The following FAM91A1 variants were observed in gnomAD, a reference collection of about 807,000 sequenced individuals.
FAM91A1 encodes the protein family with sequence similarity 91 member A1.
A neutral mutation model predicts 113.5 loss-of-function variants in FAM91A1; 41 were observed. That is an observed-to-expected ratio of 0.36 (90% CI 0.28 to 0.47). FAM91A1 has a LOEUF of 0.47. FAM91A1 is among the 20% of genes least tolerant of loss of function. FAM91A1 has a pLI of 1.00. For synonymous variants in FAM91A1, 307 were observed against 347.9 expected (o/e 0.88, Z 1.31); for missense variants, 696 against 1,001.2 (o/e 0.70, Z 4.11).
In FAM91A1 at chr8:123,799,739, A is replaced by G. The variant is rs73337427; in HGVS notation, c.1696-33A>G. 1.4e-4 allele frequency: 225 copies of G among 1,604,746 alleles called. No individual in the cohort carries two copies. In the African/African-American group the frequency reaches 2.8e-3, roughly 20 times the overall value. On this transcript the variant is annotated intron_variant, in intron 17 of 23. Coordinates refer to ENST00000334705, the MANE Select transcript of FAM91A1 (RefSeq NM_144963.4). Reference sequence around the variant, plus strand: ...TTCTTAATATTTTCCTTATTTCTGAATGCCATTTTACCTGTTAATTTCTTT... The same window carrying G: ...TTCTTAATATTTTCCTTATTTCTGAGTGCCATTTTACCTGTTAATTTCTTT...
intron 1 of FAM91A1, 91 bp from the exon 2 acceptor site, chr8:123,773,989 G>A: frequency 2.2e-6 from 2 of 893,236 alleles, no homozygotes; most frequent in South Asian, 1.7e-5. Flanking sequence ...GGATAAAAAT[G>A]GGGGTCGTGG....
chr8:123,804,350 G>C (rs1815753486), intron 18 of FAM91A1, among the ~76,000 whole-genome samples: 1 of 151,814 alleles, frequency 6.6e-6, no homozygotes, highest in African/African-American at 2.4e-5. Context: ...AGTTAGCCGG[G>C]TGTGGTGGCG....
chr8:123,808,872 AGTT>A lies in FAM91A1; in HGVS notation c.2138-20_2138-18del. ...AGTAGATATATATGATAAAAAAATA[AGTT>A]TATGTATCCTTTCTTAGGTGCCACA... On this transcript the variant is annotated intron_variant, in intron 21 of 23. Transcript: ENST00000334705. 6.3e-7 allele frequency: 1 copy of A among 1,593,914 alleles called. No homozygotes were observed. The highest frequency in any genetic ancestry group is 8.5e-7 in the Non-Finnish European group (1 of 1,170,986).
At chr8:123,810,381 CT>C in intron 23 of FAM91A1, 30 bp downstream of exon 23, 1 of 1,594,238 alleles carries the variant, frequency 6.3e-7, no homozygotes, top group Non-Finnish European at 8.6e-7. Context: ...CCAAATGGTA[CT>C]TGTACTGAGC....
At position 123,772,775 on chromosome 8, in the gene FAM91A1, C is replaced by T. The variant is rs11989114; in HGVS notation, c.73-1305C>T. Among the ~76,000 whole-genome samples the T allele has an allele frequency of 8.0e-3, 1,217 of 152,164 alleles. 8 individuals are homozygous for T. The highest frequency in any genetic ancestry group is 0.014 in the African/African-American group (583 of 41,494). ...GCCTATAACTGTTGACTGGAAGCCTCGGCCATAACACAGTTGATGAACACA... is the reference window on the plus strand; with the variant it reads ...GCCTATAACTGTTGACTGGAAGCCTTGGCCATAACACAGTTGATGAACACA... On this transcript the variant is annotated intron_variant, in intron 1 of 23. Transcript: ENST00000334705.
intron 1 of FAM91A1, 86 bp from the exon 2 acceptor site, chr8:123,773,994 T>C: frequency 1.1e-6 from 1 of 946,570 alleles, no homozygotes; most frequent in Non-Finnish European, 1.6e-6. Context: ...AAAATGGGGG[T>C]CGTGGTTTTA....
At chr8:123,786,051 C>A (rs1212935258) in intron 11 of FAM91A1, 1 of 383,726 alleles carries the variant, frequency 2.6e-6, no homozygotes, top group Admixed American at 3.1e-5. Context: ...ACTCCTGGCC[C>A]CAACTGATCC....
chr8:123,780,415 GT>G (rs1191167002), intron 7 of FAM91A1, 64 bp from the exon 8 acceptor site: 1 of 1,269,538 alleles, frequency 7.9e-7, no homozygotes. Context: ...CCAGGAATTA[GT>G]TTTTTTAAAA....
chr8:123,783,924 G>A (rs1438457201), intron 8 of FAM91A1, among the ~76,000 whole-genome samples: 11 of 152,312 alleles, frequency 7.2e-5, no homozygotes, highest in East Asian at 1.9e-4. Flanking sequence ...CCCAAAGAAC[G>A]AGTTAGCCCA....
chr8:123,799,535 A>G lies in FAM91A1; in HGVS notation c.1576A>G (p.Ile526Val), dbSNP rs897334742. Residue 526 changes from isoleucine to valine, a missense_variant, in exon 17 of 24, where the codon ATC (isoleucine) becomes GTC (valine). Transcript: ENST00000334705. ...ATGATTGTAGCATATTGGACCAGCT[A>G]TCCCAGAAGTCAGCTCTGTCTGGTT... is the stretch of plus-strand genomic sequence containing the variant. ...SCTPQHIGPA[I>V]PEVSSVWFKL... is the part of the protein sequence containing the mutation. The G allele has an allele frequency of 2.5e-6, 4 of 1,612,106 alleles. No individual in the cohort carries two copies. The highest frequency in any genetic ancestry group is 3.4e-6 in the Non-Finnish European group (4 of 1,179,592).
chr8:123,798,066 T>C, intron 15 of FAM91A1, 24 bp from the exon 16 acceptor site: 2 of 1,599,784 alleles, frequency 1.3e-6, no homozygotes, highest in Non-Finnish European at 1.7e-6. Flanking sequence ...TTTTATTCTG[T>C]GTGTGTGCTT....
intron 11 of FAM91A1, chr8:123,786,001 T>C: frequency 2.3e-6 from 1 of 438,198 alleles, no homozygotes; most frequent in East Asian, 7.4e-5. Flanking sequence ...GTGTTTCTGT[T>C]AGAGGTGGGG....
chr8:123,772,879 C>G (rs950295245), intron 1 of FAM91A1, among the ~76,000 whole-genome samples: 3 of 152,082 alleles, frequency 2.0e-5, no homozygotes, highest in Non-Finnish European at 4.4e-5. Flanking sequence ...TTATGAAAAT[C>G]ATAATATTTT....
rs200455750 is a variant in FAM91A1, at chr8:123,799,548, G to C, written c.1589G>C (p.Ser530Thr). ...QHIGPAIPEV[S>T]SVWFKLYIYH... is the part of the protein sequence containing the mutation. ...ATTGGACCAGCTATCCCAGAAGTCA[G>C]CTCTGTCTGGTTTAAACTGTACATT... The change falls in exon 17 of 24, where the codon AGC (serine) becomes ACC (threonine). Residue 530 changes from serine to threonine, a missense_variant. Transcript: ENST00000334705. 6.2e-7 allele frequency: 1 copy of C among 1,613,446 alleles called. No individual in the cohort carries two copies. The highest frequency in any genetic ancestry group is 2.2e-5 in the East Asian group (1 of 44,864).
chr8:123,806,248 T>C lies in FAM91A1; in HGVS notation c.2032+19T>C. ...GAGAGAGGTTAGCCAATAGTTGGATTCTTTGGATTAAGATAATTGGTTTTG... is the reference window on the plus strand; with the variant it reads ...GAGAGAGGTTAGCCAATAGTTGGATCCTTTGGATTAAGATAATTGGTTTTG... On this transcript the variant is annotated intron_variant, in intron 20 of 23. Coordinates refer to ENST00000334705, the MANE Select transcript of FAM91A1 (RefSeq NM_144963.4). 2 of 1,600,754 alleles carry C rather than the reference T, an allele frequency of 1.2e-6. No homozygotes were observed. Among genetic ancestry groups the C allele is most frequent in the South Asian group, 2.2e-5 (2 of 89,536 alleles).
chr8:123,804,490 T>TAAAAAAAAAAAAAAAAAAAAA lies in FAM91A1; in HGVS notation c.1810-766_1810-746dup, dbSNP rs57808944. Reference sequence around the variant, plus strand: ...TGAGTAACAGAGCAAGACTCTGTTTTAAAAAAAAAAAAAAAAAAAAAAAAA... The same window carrying TAAAAAAAAAAAAAAAAAAAAA: ...TGAGTAACAGAGCAAGACTCTGTTTTAAAAAAAAAAAAAAAAAAAAAAAAAAAAAAAAAAAAAAAAAAAAAA... On this transcript the variant is annotated intron_variant, in intron 18 of 23. Coordinates refer to ENST00000334705, the MANE Select transcript of FAM91A1 (RefSeq NM_144963.4). Among the ~76,000 whole-genome samples the TAAAAAAAAAAAAAAAAAAAAA allele has an allele frequency of 2.7e-5, 2 of 73,834 alleles. 1 individual carries two copies. The highest frequency in any genetic ancestry group is 1.1e-4 in the African/African-American group (2 of 18,338). 48.4% of individuals were successfully genotyped at this position (73,834 alleles called of 152,430 possible).
At chr8:123,783,793 T>C (rs1003324946) in intron 8 of FAM91A1, among the ~76,000 whole-genome samples, 3 of 152,182 alleles carry the variant, frequency 2.0e-5, no homozygotes, top group Non-Finnish European at 2.9e-5. Flanking sequence ...ACCAAAGAGA[T>C]AGAAGTGAGT....
At position 123,786,503 on chromosome 8, in the gene FAM91A1, T is replaced by G. The variant is rs757180374; in HGVS notation, c.971T>G (p.Leu324Ter). 2 of 1,612,278 alleles carry G rather than the reference T, an allele frequency of 1.2e-6. No homozygotes were observed. ...VPSVNRLKST[L>*]DPQKMLLSWD... Reference sequence around the variant, plus strand: ...GCATTCTTCATTAATAGGAGTACCTTAGATCCACAGAAGATGCTCTTGTCA... The same window carrying G: ...GCATTCTTCATTAATAGGAGTACCTGAGATCCACAGAAGATGCTCTTGTCA... Residue 324 changes from leucine to a stop codon, truncating the protein, a stop_gained, in exon 12 of 24, where the codon TTA (leucine) becomes TGA (stop). Coordinates refer to ENST00000334705, the MANE Select transcript of FAM91A1 (RefSeq NM_144963.4). LOFTEE classifies it high-confidence loss of function.
chr8:123,805,358 C>A lies in FAM91A1; in HGVS notation c.1882+19C>A. On this transcript the variant is annotated intron_variant, in intron 19 of 23. Coordinates refer to ENST00000334705, the MANE Select transcript of FAM91A1 (RefSeq NM_144963.4). ...CAAGGAGGTACCTTTTGAATTGTAT[C>A]TATTGACTTTTTTTTTTTTTTAATT... 1.3e-6 allele frequency: 2 copies of A among 1,539,604 alleles called. No individual in the cohort carries two copies. The highest frequency in any genetic ancestry group is 1.8e-6 in the Non-Finnish European group (2 of 1,134,852).
Sources: gnomAD v4.1 joint callset for allele counts (sites outside exome capture counted in the v4.1 genomes callset) on GRCh38, gnomAD v4.1.1 for gene constraint, MANE v1.5 for transcripts, NCBI Gene and HGNC (gene_info 2026-07-23, HGNC 2026-07-21) for gene names.